Variants in UGGT1 observed in about 807,000 individuals in gnomAD.
UGGT1 encodes UDP-glucose:glycoprotein glucosyltransferase 1.
A neutral mutation model predicts 203.9 loss-of-function variants in UGGT1; 107 were observed. The observed-to-expected ratio is 0.52, with a 90% CI of 0.45 to 0.62. The LOEUF is 0.62. UGGT1 is among the 20% of genes least tolerant of loss of function. The pLI is 0.00. For missense variants in UGGT1, 1,673 were observed against 1,867.2 expected, an observed-to-expected ratio of 0.90 and a Z score of 1.92; for synonymous variants, 628 against 653.5, an observed-to-expected ratio of 0.96 and a Z score of 0.59.
intron 2 of UGGT1, among the ~76,000 whole-genome samples, chr2:128,100,530 C>T (rs1056421993): frequency 8.6e-5 from 13 of 151,994 alleles, no homozygotes; most frequent in Non-Finnish European, 1.5e-4. Context: ...CCTCAGCCTC[C>T]TGAGTAGCTG....
chr2:128,140,913 A>C (rs11898727), intron 16 of UGGT1, among the ~76,000 whole-genome samples: 89,736 of 151,838 alleles, frequency 0.59, 26,780 homozygotes, highest in East Asian at 0.66. Context: ...GTCTCGAACT[A>C]CTGAGCTTAA....
In UGGT1 at chr2:128,127,297, A is replaced by G. The variant is rs1338870656; in HGVS notation, c.1135-64A>G. 4.2e-6 allele frequency: 5 copies of G among 1,199,112 alleles called. No individual in the cohort carries two copies. In the East Asian group the frequency reaches 9.9e-5, roughly 24 times the overall value. 74.3% of individuals were successfully genotyped at this position (1,199,112 alleles called of 1,614,324 possible). ...GATTTGTACAGGTAGTGAAGCCCAG[A>G]AACAATAAAATTTTTTTTAAAACAT... On this transcript the variant is annotated intron_variant, in intron 11 of 40. Coordinates refer to ENST00000259253, the MANE Select transcript of UGGT1 (RefSeq NM_020120.4).
At chr2:128,156,511 T>G in intron 21 of UGGT1, 96 bp downstream of exon 21, 1 of 976,838 alleles carries the variant, frequency 1.0e-6, no homozygotes, top group Non-Finnish European at 1.6e-6. Flanking sequence ...AATTGTACTG[T>G]TTCCGGAATC....
intron 25 of UGGT1, among the ~76,000 whole-genome samples, chr2:128,164,226 TTATAA>T (rs1690669109): frequency 6.6e-6 from 1 of 152,174 alleles, no homozygotes; most frequent in Non-Finnish European, 1.5e-5. Context: ...GAAAGGATTT[TTATAA>T]TATGTTTTTA....
At chr2:128,170,262 A>T in intron 26 of UGGT1, 26 bp from the exon 27 acceptor site, 1 of 1,604,068 alleles carries the variant, frequency 6.2e-7, no homozygotes, top group Non-Finnish European at 8.5e-7. Context: ...CCTCCAGGTT[A>T]ATGTTTTATC....
chr2:128,092,857 G>A (rs1312375228), intron 1 of UGGT1, among the ~76,000 whole-genome samples: 1 of 152,000 alleles, frequency 6.6e-6, no homozygotes, highest in East Asian at 1.9e-4. Context: ...TTGTTAAAGA[G>A]TGTTTTCTGT....
chr2:128,161,338 A>G, intron 25 of UGGT1, 70 bp downstream of exon 25: 3 of 1,556,330 alleles, frequency 1.9e-6, no homozygotes, highest in African/African-American at 1.4e-5. Context: ...AGTTAGAATT[A>G]TATGTTGTTA....
chr2:128,137,296 G>A (rs1434331274), intron 15 of UGGT1, among the ~76,000 whole-genome samples: 1 of 152,188 alleles, frequency 6.6e-6, no homozygotes, highest in Non-Finnish European at 1.5e-5. Flanking sequence ...GCACACACCT[G>A]TAGTCCCAGC....
chr2:128,188,013 T>C (rs1391236526), intron 40 of UGGT1, among the ~76,000 whole-genome samples: 2 of 145,246 alleles, frequency 1.4e-5, no homozygotes, highest in East Asian at 2.0e-4. Flanking sequence ...AATATGTAGT[T>C]GAAGAAACTT....
Position 128,159,443 on chromosome 2 carries a change from C to T in UGGT1, c.2356-71C>T. The T allele has an allele frequency of 8.1e-6, 11 of 1,363,970 alleles. No homozygotes were observed. The South Asian group carries it at 1.3e-4, about 16-fold the overall frequency. The allele number at this position is 1,363,970 out of a possible 1,614,324, so 84.5% of individuals were successfully genotyped here. ...ATTATTTGCTACTTATTGAACATGA[C>T]TGATGTTAATGCTGCTTTTTAAGTT... On this transcript the variant is annotated intron_variant, in intron 22 of 40. Transcript: ENST00000259253.
intron 38 of UGGT1, among the ~76,000 whole-genome samples, chr2:128,184,800 G>C (rs1055815473): frequency 6.6e-6 from 1 of 152,016 alleles, no homozygotes; most frequent in African/African-American, 2.4e-5. Flanking sequence ...TCCTGCCTCA[G>C]CCTCCTGAGT....
intron 11 of UGGT1, among the ~76,000 whole-genome samples, chr2:128,125,002 C>T (rs928436088): frequency 3.9e-5 from 6 of 152,164 alleles, no homozygotes; most frequent in Admixed American, 3.9e-4. Context: ...CTGTTGTGAC[C>T]ATTTCCTAGG....
At chr2:128,160,360 T>C in intron 23 of UGGT1, 100 bp from the exon 24 acceptor site, 1 of 1,303,094 alleles carries the variant, frequency 7.7e-7, no homozygotes, top group Non-Finnish European at 1.0e-6. Flanking sequence ...GTTATTACTT[T>C]CCAGGGAAAG....
At chr2:128,165,907 G>A (rs1000462914) in intron 26 of UGGT1, among the ~76,000 whole-genome samples, 4 of 152,108 alleles carry the variant, frequency 2.6e-5, no homozygotes, top group Admixed American at 6.6e-5. Context: ...GACCACAGGC[G>A]CTTGCCACCA....
At chr2:128,145,694 A>G (rs1042887329) in intron 17 of UGGT1, 109 bp from the exon 18 acceptor site, 4 of 994,268 alleles carry the variant, frequency 4.0e-6, no homozygotes, top group Non-Finnish European at 4.1e-6. Context: ...TTTCTTTACA[A>G]TATTTCTATT....
At chr2:128,117,088 T>C (rs1321738069) in intron 8 of UGGT1, among the ~76,000 whole-genome samples, 3 of 152,204 alleles carry the variant, frequency 2.0e-5, no homozygotes, top group East Asian at 3.9e-4. Context: ...TTATTTTTTA[T>C]TTATTTATTT....
chr2:128,099,098 A>G (rs1275257614), intron 2 of UGGT1, among the ~76,000 whole-genome samples: 3 of 152,170 alleles, frequency 2.0e-5, no homozygotes, highest in East Asian at 1.9e-4. Context: ...CATCACTCCA[A>G]TCAGCCTTGT....
At chr2:128,139,706 T>G (rs1269606654) in intron 16 of UGGT1, 1 of 154,308 alleles carries the variant, frequency 6.5e-6, no homozygotes, top group African/African-American at 2.4e-5. Context: ...TGGCACCTGC[T>G]GTGGCGCCTG....
chr2:128,183,581 A>G, intron 37 of UGGT1, 94 bp from the exon 38 acceptor site: 1 of 850,042 alleles, frequency 1.2e-6, no homozygotes, highest in Non-Finnish European at 1.9e-6. Flanking sequence ...AAAAGCCAGA[A>G]TATTTGGCTA....
Sources: allele counts gnomAD v4.1 joint callset (sites outside exome capture counted in the v4.1 genomes callset), GRCh38; gene constraint gnomAD v4.1.1; transcripts MANE v1.5; gene names NCBI Gene and HGNC (gene_info 2026-07-23, HGNC 2026-07-21).